Variants in ATP2B3 observed in about 807,000 individuals in gnomAD.
ATP2B3 encodes plasma membrane calcium-transporting ATPase 3.
A neutral mutation model predicts 70.8 loss-of-function variants in ATP2B3; 12 were observed. The ratio of observed to expected loss-of-function variants is 0.17; its 90% CI spans 0.11 to 0.27. ATP2B3 has a LOEUF of 0.27. Among genes scored for constraint, ATP2B3 ranks in the 10% least tolerant of loss-of-function variants. The pLI, the probability that ATP2B3 is intolerant of heterozygous loss-of-function variation, is 1.00. For missense variants in ATP2B3, 858 were observed against 1,118.5 expected (o/e 0.77, Z 3.32); for synonymous variants, 460 against 497.8 (o/e 0.92, Z 1.01).
intron 21 of ATP2B3, among the ~76,000 whole-genome samples, chrX:153,570,565 G>A (rs1034233995): frequency 2.7e-5 from 3 of 112,283 alleles, no homozygotes; most frequent in African/African-American, 6.5e-5. Context: ...CCACTCCACC[G>A]CTGACCCCAC....
intron 21 of ATP2B3, among the ~76,000 whole-genome samples, chrX:153,565,444 G>T (rs2090691505): frequency 1.8e-5 from 2 of 112,900 alleles, no homozygotes; most frequent in African/African-American, 6.4e-5. Context: ...TGGTGGGAAC[G>T]GCCCCAGGTC....
rs577906773 is a variant in ATP2B3, at chrX:153,531,399, G to A, written c.-126-4723G>A. Reference sequence around the variant, plus strand: ...GGCCTGGCCTGTGTTCTAGGAGCCTGGAGGTGGAGAGAGATGGGGGACTAT... The same window carrying A: ...GGCCTGGCCTGTGTTCTAGGAGCCTAGAGGTGGAGAGAGATGGGGGACTAT... On this transcript the variant is annotated intron_variant, in intron 2 of 21. Coordinates refer to ENST00000263519, the MANE Select transcript of ATP2B3 (RefSeq NM_001001344.3). 5.3e-5 allele frequency among the ~76,000 whole-genome samples: 6 copies of A among 113,490 alleles called. No homozygotes were observed. The South Asian group carries it at 2.1e-3, about 41-fold the overall frequency.
In ATP2B3 at chrX:153,543,093, G is replaced by C; in HGVS notation, c.841G>C (p.Val281Leu). The change falls in exon 7 of 22, where the codon GTG becomes CTG. Residue 281 changes from valine (V) to leucine (L), a missense_variant. By Grantham distance (32) the Val-to-Leu change is conservative (BLOSUM62 1). Coordinates refer to ENST00000263519, the MANE Select transcript of ATP2B3 (RefSeq NM_001001344.3). ...AAGAATGGTGGTGACCGCCGTTGGCGTGAATTCCCAGACAGGCATCATCTT... is the reference window on the plus strand; with the variant it reads ...AAGAATGGTGGTGACCGCCGTTGGCCTGAATTCCCAGACAGGCATCATCTT... The part of the protein sequence containing the change: ...SGRMVVTAVG[V>L]NSQTGIIFTL... 8.2e-6 allele frequency: 10 copies of C among 1,212,125 alleles called. No individual in the cohort carries two copies. The highest frequency in any genetic ancestry group is 8.9e-6 in the Non-Finnish European group (8 of 895,419).
chrX:153,533,135 C>T (rs1329633546), intron 2 of ATP2B3: 4 of 111,642 alleles, frequency 3.6e-5, no homozygotes, highest in Non-Finnish European at 5.6e-5. Flanking sequence ...TCCAGGCCCC[C>T]GGCCACATGC....
intron 2 of ATP2B3, among the ~76,000 whole-genome samples, chrX:153,527,221 G>A (rs1046847911): frequency 1.2e-4 from 14 of 112,916 alleles, no homozygotes; most frequent in Non-Finnish European, 1.5e-4. Flanking sequence ...TCCCATCCAC[G>A]TGCTCTCTGG....
At chrX:153,562,044 A>G (rs921793988) in intron 19 of ATP2B3, 91 bp from the exon 20 acceptor site, 4 of 849,468 alleles carry the variant, frequency 4.7e-6, no homozygotes, top group Admixed American at 2.2e-5. Context: ...GGGGGAACCA[A>G]CCAGGGTGGC....
chrX:153,558,713 C>T (rs1220215634), intron 17 of ATP2B3, among the ~76,000 whole-genome samples: 2 of 112,193 alleles, frequency 1.8e-5, no homozygotes, highest in African/African-American at 3.2e-5. Flanking sequence ...CGCTTAGCAC[C>T]GTGTTTTCAG....
At chrX:153,569,749 T>G in intron 21 of ATP2B3, 1 of 1,210,902 alleles carries the variant, frequency 8.3e-7, no homozygotes, top group Non-Finnish European at 1.1e-6. Flanking sequence ...CTACCAGTGC[T>G]GCTGGGAGTG....
intron 12 of ATP2B3, among the ~76,000 whole-genome samples, chrX:153,551,001 G>A (rs1401819358): frequency 4.5e-5 from 5 of 111,532 alleles, no homozygotes; most frequent in Non-Finnish European, 7.6e-5. Flanking sequence ...CTACCAGCAC[G>A]TGAGTCGTTT....
intron 13 of ATP2B3, 127 bp downstream of exon 13, chrX:153,553,396 C>CAGGACGGGGCTCAAGT: frequency 1.8e-6 from 1 of 562,160 alleles, no homozygotes; most frequent in Non-Finnish European, 2.8e-6. Flanking sequence ...ACTTGAGCCC[C>CAGGACGGGGCTCAAGT]GTCCTGGGTG....
At chrX:153,544,659 G>A (rs2090337181) in intron 7 of ATP2B3, among the ~76,000 whole-genome samples, 1 of 111,839 alleles carries the variant, frequency 8.9e-6, no homozygotes, top group Non-Finnish European at 1.9e-5. Flanking sequence ...CCATTGTTTG[G>A]CGCAGCCTGC....
chrX:153,564,286 A>G (rs1207430211), intron 20 of ATP2B3, among the ~76,000 whole-genome samples: 1 of 112,713 alleles, frequency 8.9e-6, no homozygotes, highest in African/African-American at 3.2e-5. Context: ...TGCAGGGAGT[A>G]TTGTCAACCA....
chrX:153,575,637 C>T lies in ATP2B3; in HGVS notation c.3343-4341C>T, dbSNP rs192674693. Among the ~76,000 whole-genome samples, 12 of 97,530 alleles carry T rather than the reference C, an allele frequency of 1.2e-4. No homozygotes were observed. In the South Asian group the frequency reaches 2.5e-3, roughly 20 times the overall value. The allele number at this position is 97,530 out of a possible 115,157, so 84.7% of individuals were successfully genotyped here. A position where few individuals can be genotyped will look rare whatever the true frequency, so the allele number is the denominator to read the frequency against. The stretch of plus-strand genomic sequence containing the variant: ...TCTGGATGGCGTTTGAAGGGAGCCA[C>T]GGGGCTGGGGCCGGGGGGGTTGGGC... On this transcript the variant is annotated intron_variant, in intron 21 of 21. Transcript: ENST00000263519.
At chrX:153,530,039 C>T (rs193164913) in intron 2 of ATP2B3, among the ~76,000 whole-genome samples, 1 of 112,662 alleles carries the variant, frequency 8.9e-6, no homozygotes, top group East Asian at 2.8e-4. Context: ...TGGACAAATA[C>T]GTTTGTGTCC....
Position 153,549,549 on chromosome X carries a change from T to C in ATP2B3, c.1391T>C (p.Met464Thr), listed in dbSNP as rs1557010390. 8.3e-7 allele frequency: 1 copy of C among 1,212,078 alleles called. No individual in the cohort carries two copies. The highest frequency in any genetic ancestry group is 1.1e-6 in the Non-Finnish European group (1 of 895,539). The change falls in exon 11 of 22, where the codon ATG (methionine) becomes ACG (threonine). Residue 464 changes from methionine (M) to threonine (T), a missense_variant. By Grantham distance (81) the Met-to-Thr change is moderately conservative. This residue lies in a region of ATP2B3 where 23 missense variants were observed against 59.0 expected (regional missense o/e 0.39). Coordinates refer to ENST00000263519, the MANE Select transcript of ATP2B3 (RefSeq NM_001001344.3). The part of the protein sequence containing the change: ...LVRHLDACET[M>T]GNATAICSDK... ...CGCCACCTGGATGCCTGCGAGACCA[T>C]GGGCAACGCCACAGCCATCTGCTCC...
rs781954603 is a variant in ATP2B3, at chrX:153,565,183, G to A, written c.3342+80G>A. On this transcript the variant is annotated intron_variant, in intron 21 of 21. Coordinates refer to ENST00000263519, the MANE Select transcript of ATP2B3 (RefSeq NM_001001344.3). ...AGCTGGCCAGCAGCAGCCGAGAGCC[G>A]GCCGTCTGCACCCGACACCCACAGG... 24 of 1,068,511 alleles carry A rather than the reference G, an allele frequency of 2.2e-5. No individual in the cohort carries two copies. In the East Asian group the frequency reaches 3.5e-4, roughly 15 times the overall value. 88.1% of individuals were successfully genotyped at this position (1,068,511 alleles called of 1,213,427 possible).
chrX:153,568,515 GCC>G (rs1184016763), intron 21 of ATP2B3, among the ~76,000 whole-genome samples: 21 of 111,400 alleles, frequency 1.9e-4, no homozygotes, highest in Non-Finnish European at 3.2e-4. Flanking sequence ...CCACCGCGAC[GCC>G]ATCACATCAA....
At chrX:153,535,924 T>C (rs1447485574) in intron 2 of ATP2B3, among the ~76,000 whole-genome samples, 198 bp from the exon 3 acceptor site, 11 of 112,804 alleles carry the variant, frequency 9.8e-5, no homozygotes, top group African/African-American at 3.2e-4. Context: ...GCACCCATGG[T>C]GGGCAGGACC....
At chrX:153,532,511 G>A (rs369555862) in intron 2 of ATP2B3, among the ~76,000 whole-genome samples, 7 of 112,039 alleles carry the variant, frequency 6.2e-5, no homozygotes, top group African/African-American at 2.3e-4. Flanking sequence ...GAGTCCAGAA[G>A]GCGGTTGAGT....
Sources: gnomAD v4.1 joint callset for allele counts (sites outside exome capture counted in the v4.1 genomes callset) on GRCh38, gnomAD v4.1.1 for gene constraint, gnomAD v4.1.1 regional missense constraint, MANE v1.5 for transcripts, NCBI Gene and HGNC (gene_info 2026-07-23, HGNC 2026-07-21) for gene names.